JADE2: variants seen among roughly 807,000 people sequenced by gnomAD.
JADE2 encodes the protein jade family PHD finger 2, also known as E3 ubiquitin-protein ligase Jade-2.
In JADE2, 13 loss-of-function variants were observed where a neutral mutation model predicts 85.7. That is an observed-to-expected ratio of 0.15 (90% confidence interval 0.10 to 0.24). JADE2 has a LOEUF of 0.24. Ranked by LOEUF, JADE2 falls within the 10% of genes least tolerant of loss-of-function variation. The pLI is 1.00. For synonymous variants in JADE2, 440 were observed against 456.1 expected, an observed-to-expected ratio of 0.96 and a Z score of 0.45; for missense variants, 846 against 1,115.9, an observed-to-expected ratio of 0.76 and a Z score of 3.45.
chr5:134,534,151 A>G (rs1761436467), intron 1 of JADE2, among the ~76,000 whole-genome samples: 1 of 152,180 alleles, frequency 6.6e-6, no homozygotes, highest in Non-Finnish European at 1.5e-5. Flanking sequence ...CTCCTGAATC[A>G]AATACAGTCA....
At position 134,578,265 on chromosome 5, in the gene JADE2, A is replaced by G. The variant is rs2150030756; in HGVS notation, c.1682-229A>G. Among the ~76,000 whole-genome samples the G allele has an allele frequency of 6.6e-6, 1 of 152,354 alleles. No individual in the cohort carries two copies. Among genetic ancestry groups the G allele is most frequent in the East Asian group, 1.9e-4 (1 of 5,184 alleles). ...TTACACTCTAGCCCACAAATTATGAAGCCCATCTTGAGGGCAGCACGTCCT... is the reference window on the plus strand; with the variant it reads ...TTACACTCTAGCCCACAAATTATGAGGCCCATCTTGAGGGCAGCACGTCCT... On this transcript the variant is annotated intron_variant, in intron 11 of 11. Coordinates refer to ENST00000681547, the MANE Select transcript of JADE2 (RefSeq NM_001388185.1). This position sits in a 1 kb window ranked among gnomAD's most constrained non-coding sequence, Gnocchi z 4.4.
upstream of JADE2, chr5:134,524,559 T>C (rs937531588): frequency 6.6e-6 from 1 of 152,582 alleles, no homozygotes; most frequent in Non-Finnish European, 1.5e-5. Flanking sequence ...TTCGGGGTAA[T>C]GGGAAGGAAG....
chr5:134,557,241 T>C (rs1035158058), intron 4 of JADE2, among the ~76,000 whole-genome samples: 4 of 150,292 alleles, frequency 2.7e-5, no homozygotes, highest in Admixed American at 6.7e-5. Context: ...TTTTTTGTTG[T>C]TGTTGTTTTC....
In JADE2 at chr5:134,566,273, A is replaced by T. The variant is rs372140466; in HGVS notation, c.1127A>T (p.Glu376Val). 35 of 1,614,030 alleles carry T rather than the reference A, an allele frequency of 2.2e-5. No homozygotes were observed. The highest frequency in any genetic ancestry group is 3.3e-4 in the Middle Eastern group (2 of 6,084). Residue 376 changes from glutamate (E) to valine (V), a missense_variant, in exon 9 of 12, where the codon GAG becomes GTG. Physicochemically the swap from Glu to Val is moderately radical, Grantham distance 121. This residue lies in a region of JADE2 where 88 missense variants were observed against 140.6 expected (regional missense o/e 0.63). Transcript: ENST00000681547. The surrounding 1 kb of genome is among the most constrained non-coding windows in gnomAD (Gnocchi z 6.7). The stretch of plus-strand genomic sequence containing the variant: ...GGCCCACGTAATGAGCCCACATCTG[A>T]GCCCACGGAACCCAGCCAGGCTGGC... ...DGGPRNEPTS[E>V]PTEPSQAGED...
chr5:134,566,023 C>A lies in JADE2; in HGVS notation c.970-93C>A. ...TGTTTAGGTTCTCTCCAGCATTGCG[C>A]ATTCTCAGTAGAGCCCTGGGGGAAG... On this transcript the variant is annotated intron_variant, in intron 8 of 11. Coordinates refer to ENST00000681547, the MANE Select transcript of JADE2 (RefSeq NM_001388185.1). The surrounding 1 kb of genome is among the most constrained non-coding windows in gnomAD (Gnocchi z 6.7). 1.8e-6 allele frequency: 2 copies of A among 1,096,730 alleles called. No individual in the cohort carries two copies. Among genetic ancestry groups the A allele is most frequent in the Non-Finnish European group, 2.7e-6 (2 of 744,692 alleles). The allele number at this position is 1,096,730 out of a possible 1,614,324, so 67.9% of individuals were successfully genotyped here. A position where few individuals can be genotyped will look rare whatever the true frequency, so the allele number is the denominator to read the frequency against.
chr5:134,578,791 G>A lies in JADE2; in HGVS notation c.1979G>A (p.Gly660Asp). The change falls in exon 12 of 12, where the codon GGT becomes GAT. Residue 660 changes from glycine to aspartate, a missense_variant. Gly to Asp is a moderately conservative substitution (Grantham distance 94, BLOSUM62 -1). Around this residue, in one of 9 missense-constraint regions of JADE2, gnomAD observed 300 missense variants for 300.7 expected, o/e 1.00. Transcript: ENST00000681547. This position sits in a 1 kb window ranked among gnomAD's most constrained non-coding sequence, Gnocchi z 4.4. ...PPPPPPQDGP[G>D]SRTTPDKAPK... The stretch of plus-strand genomic sequence containing the variant: ...CCACCACCACCGCAGGACGGGCCTG[G>A]TTCACGGACGACTCCAGACAAAGCC... 1 of 1,613,782 alleles carries A rather than the reference G, an allele frequency of 6.2e-7. No individual in the cohort carries two copies. The highest frequency in any genetic ancestry group is 8.5e-7 in the Non-Finnish European group (1 of 1,180,002).
rs552487968 is a variant in JADE2, at chr5:134,554,122, G to A, written c.311+1913G>A. Among the ~76,000 whole-genome samples, 3 of 152,124 alleles carry A rather than the reference G, an allele frequency of 2.0e-5. No individual in the cohort carries two copies. The South Asian group carries it at 6.2e-4, about 31-fold the overall frequency. ...GATCACAGCTGTTACCTCCCCTGAC[G>A]TTGGCACCCTCATTTCGTGGCAGCT... is the stretch of plus-strand genomic sequence containing the variant. On this transcript the variant is annotated intron_variant, in intron 4 of 11. Transcript: ENST00000681547.
Position 134,535,911 on chromosome 5 carries a change from T to C in JADE2, c.54T>C (p.Thr18=), listed in dbSNP as rs1441048239. 2 of 1,613,730 alleles carry C rather than the reference T, an allele frequency of 1.2e-6. No individual in the cohort carries two copies. The highest frequency in any genetic ancestry group is 1.7e-6 in the Non-Finnish European group (2 of 1,179,658). Residue 18 remains threonine, a synonymous_variant, in exon 2 of 12, where the codon ACT becomes ACC. Coordinates refer to ENST00000681547, the MANE Select transcript of JADE2 (RefSeq NM_001388185.1). ...YSISSDNSDT[T]DSHATSTSAS... ...TCAGCAGTGACAACTCTGACACCAC[T>C]GACAGTAAGGCCTTCCAGTTTGGGC...
Position 134,560,916 on chromosome 5 carries a change from G to A in JADE2, c.643G>A (p.Glu215Lys), listed in dbSNP as rs750747533. The change falls in exon 6 of 12, where the codon GAG becomes AAG. Residue 215 changes from glutamate to lysine, a missense_variant. Around this residue, in one of 9 missense-constraint regions of JADE2, gnomAD observed 129 missense variants for 255.4 expected, o/e 0.51. Transcript: ENST00000681547. ...CRSPEGEDGN[E>K]MVFCDKCNVC... ...CTCTCCTGAGGGCGAGGATGGCAACGAGATGGTCTTCTGTGACAAGTGCAA... is the reference window on the plus strand; with the variant it reads ...CTCTCCTGAGGGCGAGGATGGCAACAAGATGGTCTTCTGTGACAAGTGCAA... 6.2e-7 allele frequency: 1 copy of A among 1,614,158 alleles called. No individual in the cohort carries two copies. Among genetic ancestry groups the A allele is most frequent in the Non-Finnish European group, 8.5e-7 (1 of 1,180,008 alleles).
intron 1 of JADE2, 198 bp downstream of exon 1, chr5:134,526,209 C>T (rs910849725): frequency 8.2e-5 from 81 of 985,308 alleles, no homozygotes; most frequent in Admixed American, 1.8e-4. Context: ...AGAGATTGCG[C>T]ATGTTGGTCA....
At position 134,559,924 on chromosome 5, in the gene JADE2, C is replaced by T. The variant is rs748668343; in HGVS notation, c.406C>T (p.Arg136Cys). 8.1e-6 allele frequency: 13 copies of T among 1,613,862 alleles called. No individual in the cohort carries two copies. Among genetic ancestry groups the T allele is most frequent in the African/African-American group, 2.7e-5 (2 of 74,930 alleles). ...CCAGCCTGATTGGCCAGGGGGCAGCCGCTATGACTTGGACGAGATTGATGC... is the reference window on the plus strand; with the variant it reads ...CCAGCCTGATTGGCCAGGGGGCAGCTGCTATGACTTGGACGAGATTGATGC... ...GSQPDWPGGS[R>C]YDLDEIDAYW... The change falls in exon 5 of 12, where the codon CGC becomes TGC. Residue 136 changes from arginine (R) to cysteine (C), a missense_variant. Arg to Cys is a radical substitution (Grantham distance 180). Transcript: ENST00000681547.
intron 3 of JADE2, among the ~76,000 whole-genome samples, chr5:134,539,229 T>C (rs146536012): frequency 0.072 from 10,997 of 151,698 alleles, 760 homozygotes; most frequent in South Asian, 0.23. Flanking sequence ...ACCCGGCTAA[T>C]TTTTTGTATT....
At chr5:134,545,988 C>T (rs1489122114) in intron 3 of JADE2, among the ~76,000 whole-genome samples, 1 of 152,126 alleles carries the variant, frequency 6.6e-6, no homozygotes, top group African/African-American at 2.4e-5. Flanking sequence ...GGGACAGTGA[C>T]CAAGACCAGT....
At chr5:134,555,531 A>G (rs1487252697) in intron 4 of JADE2, among the ~76,000 whole-genome samples, 1 of 152,210 alleles carries the variant, frequency 6.6e-6, no homozygotes, top group Non-Finnish European at 1.5e-5. Context: ...AGGACAGCAG[A>G]TACCTTCTGA....
intron 9 of JADE2, among the ~76,000 whole-genome samples, chr5:134,570,545 C>T (rs1763928481): frequency 6.6e-6 from 1 of 152,196 alleles, no homozygotes; most frequent in Non-Finnish European, 1.5e-5. Flanking sequence ...TATTTGCATC[C>T]TTGCTGCCCA....
In JADE2 at chr5:134,559,844, T is replaced by C. The variant is rs1763216824; in HGVS notation, c.326T>C (p.Leu109Pro). 2 of 1,610,460 alleles carry C rather than the reference T, an allele frequency of 1.2e-6. No homozygotes were observed. The highest frequency in any genetic ancestry group is 1.3e-5 in the African/African-American group (1 of 74,866). ...PEPVVRILPPLEGPPAQASPS... is the reference protein window; with the variant it reads ...PEPVVRILPPPEGPPAQASPS... ...TGATTTTCTAGGATCCTCCCACCACTGGAAGGCCCCCCTGCCCAGGCATCC... is the reference window on the plus strand; with the variant it reads ...TGATTTTCTAGGATCCTCCCACCACCGGAAGGCCCCCCTGCCCAGGCATCC... Residue 109 changes from leucine (L) to proline (P), a missense_variant, in exon 5 of 12, where the codon CTG becomes CCG. Leu to Pro is a moderately conservative substitution (Grantham distance 98). Transcript: ENST00000681547.
chr5:134,533,849 C>G (rs1761412304), intron 1 of JADE2, among the ~76,000 whole-genome samples: 1 of 150,730 alleles, frequency 6.6e-6, no homozygotes, highest in Non-Finnish European at 1.5e-5. Context: ...CTGACTCAAG[C>G]TATCCTCTCA....
chr5:134,553,152 G>C (rs975018147), intron 4 of JADE2, among the ~76,000 whole-genome samples: 5 of 151,614 alleles, frequency 3.3e-5, no homozygotes, highest in African/African-American at 1.2e-4. Flanking sequence ...TTGATTGTTC[G>C]TAGAGACAAG....
At chr5:134,535,049 G>T (rs7738043) in intron 1 of JADE2, among the ~76,000 whole-genome samples, 1 of 152,102 alleles carries the variant, frequency 6.6e-6, no homozygotes, top group South Asian at 2.1e-4. Context: ...AGCAGGACAA[G>T]GTGCTGGCCT....
Sources: allele counts gnomAD v4.1 joint callset (sites outside exome capture counted in the v4.1 genomes callset), GRCh38; gene constraint gnomAD v4.1.1; regional missense constraint gnomAD v4.1.1; non-coding constraint Gnocchi (gnomAD v3.1); transcripts MANE v1.5; gene names NCBI Gene and HGNC (gene_info 2026-07-23, HGNC 2026-07-21).